PCSK4: variants seen among roughly 807,000 people sequenced by gnomAD.
PCSK4 encodes proprotein convertase subtilisin/kexin type 4.
In PCSK4, 64 loss-of-function variants were observed where a neutral mutation model predicts 80.3. The observed-to-expected ratio is 0.80, with a 90% CI of 0.65 to 0.98. PCSK4 has a LOEUF of 0.98. PCSK4 is among the 50% of genes least tolerant of loss of function. The probability of loss-of-function intolerance (pLI) is 0.00; values close to 1 mark genes in which losing one functional copy is unlikely to be tolerated. For synonymous variants in PCSK4, 561 were observed against 487.6 expected (o/e 1.15, Z -1.98); for missense variants, 1,213 against 1,093.6 (o/e 1.11, Z -1.54).
chr19:1,483,276 C>A lies in PCSK4; in HGVS notation c.1571+8G>T. Reference sequence around the variant, plus strand: ...GAGGCCGCCCCCTCTCCTCTGCGGGCCGCTCACCGTATGGCCACGAGTGTG... The same window carrying A: ...GAGGCCGCCCCCTCTCCTCTGCGGGACGCTCACCGTATGGCCACGAGTGTG... On this transcript the variant is annotated splice_region_variant and intron_variant, in intron 12 of 14. Transcript: ENST00000300954. The A allele has an allele frequency of 6.4e-7, 1 of 1,568,838 alleles. No individual in the cohort carries two copies. The highest frequency in any genetic ancestry group is 1.2e-5 in the South Asian group (1 of 86,900).
chr19:1,481,728 G>T, exon 15 of PCSK4: 2 of 1,442,208 alleles, frequency 1.4e-6, no homozygotes, highest in Non-Finnish European at 1.8e-6. Context: ...GGACCCAGGC[G>T]GGGGCAAGGT....
chr19:1,487,043 A>T (rs944054529), exon 8 of PCSK4: 19 of 1,606,618 alleles, frequency 1.2e-5, no homozygotes, highest in Non-Finnish European at 1.4e-5. Flanking sequence ...CCAGATGAAG[A>T]GCGTGCCCAG....
intron 14 of PCSK4, 24 bp from the exon 15 acceptor site, chr19:1,482,231 G>T: frequency 6.6e-7 from 1 of 1,524,520 alleles, no homozygotes. Flanking sequence ...CGCACGCAAA[G>T]GCCCGTCAGC....
chr19:1,482,322 C>T, intron 14 of PCSK4, 31 bp downstream of exon 14: 2 of 1,535,346 alleles, frequency 1.3e-6, no homozygotes, highest in Non-Finnish European at 1.7e-6. Context: ...CACCGCCTCC[C>T]AGCAGTGGGC....
At chr19:1,490,812 C>G (rs1427870112), upstream of PCSK4, 2 of 187,398 alleles carry the variant, frequency 1.1e-5, no homozygotes, top group South Asian at 3.3e-4. Flanking sequence ...ATCAGCCCCG[C>G]CCTCCACTGG....
chr19:1,482,733 C>G (rs2084366700), intron 13 of PCSK4, 163 bp downstream of exon 13: 3 of 812,002 alleles, frequency 3.7e-6, no homozygotes, highest in Non-Finnish European at 5.8e-6. Flanking sequence ...CCTGTCATTG[C>G]ACACCATCTC....
chr19:1,487,511 G>T, intron 6 of PCSK4, 92 bp downstream of exon 6: 1 of 1,180,638 alleles, frequency 8.5e-7, no homozygotes. Flanking sequence ...CAGTGAGAGG[G>T]TGGGCTCCCG....
At chr19:1,482,167 C>A in exon 15 of PCSK4, 1 of 1,558,304 alleles carries the variant, frequency 6.4e-7, no homozygotes, top group South Asian at 1.2e-5. Flanking sequence ...GGCAGTAGGC[C>A]AGGCAGAGCT....
In PCSK4 at chr19:1,486,862, G is replaced by T. The variant is rs577276194; in HGVS notation, c.1059C>A (p.Asp353Glu). The T allele has an allele frequency of 3.1e-6, 5 of 1,597,110 alleles. No individual in the cohort carries two copies. In the South Asian group the frequency reaches 3.3e-5, roughly 11 times the overall value. Residue 353 changes from aspartate to glutamate, a missense_variant, in exon 8 of 15, where the codon GAC becomes GAA. Coordinates refer to ENST00000300954, the Ensembl canonical transcript of PCSK4. The stretch of plus-strand genomic sequence containing the variant: ...GGGCGGCTGCACTCACGATCTGGGG[G>T]TCGGTGGCCACGCCGCTGCTGTAGG...
At chr19:1,490,458 A>C, upstream of PCSK4, 1 of 537,222 alleles carries the variant, frequency 1.9e-6, no homozygotes, top group Non-Finnish European at 3.2e-6. Context: ...GAAGGCTTCG[A>C]CTCCCAGGGG....
At chr19:1,487,725 G>T in intron 5 of PCSK4, 34 bp from the exon 6 acceptor site, 4 of 1,547,512 alleles carry the variant, frequency 2.6e-6, no homozygotes, top group Non-Finnish European at 3.5e-6. Flanking sequence ...TCCTGTCACG[G>T]CCTCCATCCC....
At chr19:1,488,843 A>G (rs2084783676) in intron 2 of PCSK4, among the ~76,000 whole-genome samples, 1 of 152,164 alleles carries the variant, frequency 6.6e-6, no homozygotes, top group African/African-American at 2.4e-5. Flanking sequence ...GGCCTCCCGA[A>G]GTGCCGGGAT....
rs1294331282 is a variant in PCSK4, at chr19:1,487,469, G to T, written c.682+134C>A. The T allele has an allele frequency of 5.0e-6, 5 of 998,262 alleles. No homozygotes were observed. The South Asian group carries it at 6.1e-5, about 12-fold the overall frequency. The allele number at this position is 998,262 out of a possible 1,614,324, so 61.8% of individuals were successfully genotyped here. A position where few individuals can be genotyped will look rare whatever the true frequency, so the allele number is the denominator to read the frequency against. On this transcript the variant is annotated intron_variant, in intron 6 of 14. Transcript: ENST00000300954. Reference sequence around the variant, plus strand: ...TTCGTATTGGCTCAGCACCCCCCAAGCCCTGGAGTCTGGGGCCCTAGCACC... The same window carrying T: ...TTCGTATTGGCTCAGCACCCCCCAATCCCTGGAGTCTGGGGCCCTAGCACC...
At chr19:1,489,531 C>G (rs1374416675) in intron 2 of PCSK4, 10 of 537,252 alleles carry the variant, frequency 1.9e-5, no homozygotes, top group Admixed American at 3.3e-5. Context: ...TCTGTCCCTC[C>G]TTACCAGAGC....
intron 11 of PCSK4, 23 bp downstream of exon 11, chr19:1,483,627 G>T: frequency 1.9e-6 from 3 of 1,542,166 alleles, no homozygotes; most frequent in Non-Finnish European, 1.8e-6. Context: ...CGGGGATAGC[G>T]GAGGGGCGCG....
chr19:1,489,988 C>T (rs533743903), intron 1 of PCSK4, 91 bp from the exon 2 acceptor site: 2 of 1,531,636 alleles, frequency 1.3e-6, no homozygotes, highest in Non-Finnish European at 1.8e-6. Flanking sequence ...CTTTGTCCTT[C>T]CCCAGCAGGT....
intron 2 of PCSK4, 80 bp from the exon 3 acceptor site, chr19:1,488,360 G>C: frequency 1.9e-6 from 2 of 1,045,988 alleles, no homozygotes; most frequent in Non-Finnish European, 2.9e-6. Context: ...AGGCAGCCCC[G>C]TGCCCTGGGA....
Position 1,487,127 on chromosome 19 carries a change from G to C in PCSK4, c.855+14C>G. 6.2e-7 allele frequency: 1 copy of C among 1,602,916 alleles called. No homozygotes were observed. On this transcript the variant is annotated intron_variant, in intron 7 of 14. Coordinates refer to ENST00000300954, the Ensembl canonical transcript of PCSK4. ...CTGGCCTGCCACCCCTGCCCTCCTCGGGCTGCCACTCACCTTGGTCACACC... is the reference window on the plus strand; with the variant it reads ...CTGGCCTGCCACCCCTGCCCTCCTCCGGCTGCCACTCACCTTGGTCACACC...
intron 12 of PCSK4, 118 bp downstream of exon 12, chr19:1,483,166 A>G (rs1177769285): frequency 2.4e-6 from 3 of 1,272,080 alleles, no homozygotes; most frequent in African/African-American, 3.0e-5. Context: ...GGTCCCACCA[A>G]CTAGGCTGCC....
Sources: allele counts gnomAD v4.1 joint callset (sites outside exome capture counted in the v4.1 genomes callset), GRCh38; gene constraint gnomAD v4.1.1; transcripts MANE v1.5; gene names NCBI Gene and HGNC (gene_info 2026-07-23, HGNC 2026-07-21).